Variants in GPM6A observed in about 807,000 individuals in gnomAD.
GPM6A encodes neuronal membrane glycoprotein M6-a.
In GPM6A, 7 loss-of-function variants were observed where a neutral mutation model predicts 32.1. That is an observed-to-expected ratio of 0.22 (90% confidence interval 0.12 to 0.41). The LOEUF is 0.41. GPM6A is among the 10% of genes least tolerant of loss of function. The pLI is 1.00. For synonymous variants in GPM6A, 130 were observed against 123.4 expected (o/e 1.05, Z -0.35); for missense variants, 235 against 347.2 (o/e 0.68, Z 2.57).
At chr4:175,788,072 C>T (rs923619552) in intron 1 of GPM6A, 8 of 152,222 alleles carry the variant, frequency 5.3e-5, no homozygotes, top group African/African-American at 1.7e-4. Flanking sequence ...GCTAGCACCT[C>T]GCTTCTCCAC....
intron 1 of GPM6A, among the ~76,000 whole-genome samples, chr4:175,916,066 C>G (rs1738483526): frequency 6.6e-6 from 1 of 152,212 alleles, no homozygotes; most frequent in South Asian, 2.1e-4. Flanking sequence ...TCTCCTATCT[C>G]CACAGCCAAG....
chr4:175,911,748 C>T (rs17062252), intron 1 of GPM6A, among the ~76,000 whole-genome samples: 30,146 of 151,900 alleles, frequency 0.2, 3,356 homozygotes, highest in South Asian at 0.43. Context: ...ATTATATGTA[C>T]GAAGATGGTG....
At chr4:175,828,083 T>C (rs1735493200) in intron 1 of GPM6A, among the ~76,000 whole-genome samples, 2 of 152,276 alleles carry the variant, frequency 1.3e-5, no homozygotes, top group East Asian at 3.9e-4. Flanking sequence ...CCCTAAAACA[T>C]TGTATATTCA....
At chr4:175,738,280 T>C (rs1003143893) in intron 1 of GPM6A, among the ~76,000 whole-genome samples, 1 of 152,008 alleles carries the variant, frequency 6.6e-6, no homozygotes, top group Non-Finnish European at 1.5e-5. Context: ...AACATGAAAT[T>C]TGGAGGGACC....
intron 1 of GPM6A, among the ~76,000 whole-genome samples, chr4:175,893,311 G>A (rs966676157): frequency 4.5e-4 from 68 of 152,322 alleles, no homozygotes; most frequent in African/African-American, 1.6e-3. Flanking sequence ...GTGATATGCC[G>A]TAGGAAAGGA....
At chr4:175,873,027 A>T (rs1310627700) in intron 1 of GPM6A, among the ~76,000 whole-genome samples, 2 of 152,170 alleles carry the variant, frequency 1.3e-5, no homozygotes, top group Non-Finnish European at 2.9e-5. Context: ...GAAGAATAAG[A>T]TATTAAATAA....
chr4:175,907,199 T>A (rs997837440), intron 1 of GPM6A: 1 of 152,230 alleles, frequency 6.6e-6, no homozygotes. Flanking sequence ...CTCTCCTACA[T>A]GCCATTCTTC....
intron 1 of GPM6A, among the ~76,000 whole-genome samples, chr4:175,721,385 A>T (rs1343600086): frequency 6.6e-6 from 1 of 151,808 alleles, no homozygotes; most frequent in Admixed American, 6.6e-5. Context: ...CTGAGGCAGG[A>T]GAATCGCTTG....
chr4:175,839,164 C>G (rs1735864511), intron 1 of GPM6A, among the ~76,000 whole-genome samples: 2 of 151,998 alleles, frequency 1.3e-5, no homozygotes, highest in Non-Finnish European at 2.9e-5. Context: ...TTCAAGACAG[C>G]CATTTTGAAA....
intron 3 of GPM6A, among the ~76,000 whole-genome samples, chr4:175,669,208 G>A (rs994129521): frequency 3.3e-5 from 5 of 152,052 alleles, no homozygotes; most frequent in East Asian, 1.9e-4. Context: ...GCTATGGAAC[G>A]GAGCTGTGAG....
chr4:176,002,364 C>T (rs941191643), upstream of GPM6A: 13 of 1,569,732 alleles, frequency 8.3e-6, no homozygotes, highest in African/African-American at 1.6e-4. Flanking sequence ...AGTGACCAGA[C>T]GCTGCGCGGG....
At chr4:175,707,907 C>T (rs1245400911) in intron 1 of GPM6A, among the ~76,000 whole-genome samples, 1 of 151,938 alleles carries the variant, frequency 6.6e-6, no homozygotes, top group Non-Finnish European at 1.5e-5. Context: ...TTTTTATCTA[C>T]CATTTCAATA....
rs550041592 is a variant in GPM6A at position 175,633,199 on chromosome 4, T to C, written c.*1706A>G. The C allele has an allele frequency of 9.8e-5, 15 of 152,606 alleles. No individual in the cohort carries two copies. The highest frequency in any genetic ancestry group is 3.6e-4 in the African/African-American group (15 of 41,550). 9.5% of individuals were successfully genotyped at this position (152,606 alleles called of 1,614,324 possible). On this transcript the variant is annotated 3_prime_UTR_variant, in exon 7 of 7. Coordinates refer to ENST00000393658, the MANE Select transcript of GPM6A (RefSeq NM_201591.3). ...GTTAAGACACGGAACTGAAATACTA[T>C]AATATAGAATTTAAAGAAGCCCATT...
chr4:175,863,912 G>A (rs113637723), intron 1 of GPM6A, among the ~76,000 whole-genome samples: 4,023 of 151,992 alleles, frequency 0.026, 165 homozygotes, highest in African/African-American at 0.088. Flanking sequence ...GAGGCGGGAG[G>A]ATCCCTTGAG....
intron 1 of GPM6A, among the ~76,000 whole-genome samples, chr4:175,878,646 T>C (rs1198106551): frequency 1.3e-5 from 2 of 152,068 alleles, no homozygotes; most frequent in African/African-American, 4.8e-5. Flanking sequence ...TTTTTCCTCA[T>C]AGGCCTCTGG....
chr4:175,975,488 T>A (rs1379346029), intron 1 of GPM6A, among the ~76,000 whole-genome samples: 1 of 152,194 alleles, frequency 6.6e-6, no homozygotes, highest in East Asian at 1.9e-4. Flanking sequence ...ATCTGGAACA[T>A]AGTAGGTATA....
At chr4:175,990,843 T>C (rs1741115873) in intron 1 of GPM6A, among the ~76,000 whole-genome samples, 1 of 152,126 alleles carries the variant, frequency 6.6e-6, no homozygotes, top group African/African-American at 2.4e-5. Context: ...TGTAAGGGGA[T>C]TTCTCTTAAG....
At chr4:175,728,453 G>GT (rs1464570089) in intron 1 of GPM6A, among the ~76,000 whole-genome samples, 4 of 152,140 alleles carry the variant, frequency 2.6e-5, no homozygotes, top group South Asian at 4.1e-4. Flanking sequence ...TGTGTTTATT[G>GT]TTTTTTTGAC....
chr4:175,813,738 A>G (rs550358216), upstream of GPM6A, among the ~76,000 whole-genome samples: 3 of 152,230 alleles, frequency 2.0e-5, no homozygotes, highest in African/African-American at 4.8e-5. Flanking sequence ...GCTGCACATC[A>G]CCCTCTAAAT....
Sources: gnomAD v4.1 joint callset for allele counts (sites outside exome capture counted in the v4.1 genomes callset) on GRCh38, gnomAD v4.1.1 for gene constraint, MANE v1.5 for transcripts, NCBI Gene and HGNC (gene_info 2026-07-23, HGNC 2026-07-21) for gene names.